The following TFEC variants were observed in gnomAD, a reference collection of about 807,000 sequenced individuals.
TFEC encodes the protein transcription factor EC.
TFEC carries 31 observed loss-of-function variants against 41.6 expected under a neutral mutation model. The observed-to-expected ratio is 0.74, with a 90% CI of 0.56 to 1.01. TFEC has a LOEUF of 1.01. Ranked by LOEUF, TFEC falls within the 50% of genes least tolerant of loss-of-function variation. The pLI, the probability that TFEC is intolerant of heterozygous loss-of-function variation, is 0.00. For missense variants in TFEC, 402 were observed against 404.1 expected, an observed-to-expected ratio of 0.99 and a Z score of 0.04; for synonymous variants, 143 against 140.6, an observed-to-expected ratio of 1.02 and a Z score of -0.12.
In TFEC at chr7:116,158,615, A is replaced by T. The variant is rs140494947; in HGVS notation, c.-69+1175T>A. Among the ~76,000 whole-genome samples the T allele has an allele frequency of 9.2e-5, 14 of 152,268 alleles. No homozygotes were observed. In the East Asian group the frequency reaches 2.7e-3, roughly 29 times the overall value. ...ATGAAAATCAATGATATCCAAAGGAAAAAATTTGATGTTCTGAAGTACAAA... is the reference window on the plus strand; with the variant it reads ...ATGAAAATCAATGATATCCAAAGGATAAAATTTGATGTTCTGAAGTACAAA... On this transcript the variant is annotated intron_variant, in intron 1 of 8. Transcript: ENST00000484212.
At position 115,965,194 on chromosome 7, in the gene TFEC, T is replaced by A. The variant is rs576469333; in HGVS notation, c.268-8401A>T. Among the ~76,000 whole-genome samples the A allele has an allele frequency of 7.9e-5, 12 of 151,782 alleles. 1 individual carries two copies. The South Asian group carries it at 1.0e-3, about 13-fold the overall frequency. The stretch of plus-strand genomic sequence containing the variant: ...TTTTTTGGATAAGATCAGTAAATAG[T>A]TTGACATAATATTTCTTACCTACAA... On this transcript the variant is annotated intron_variant, in intron 3 of 7. Transcript: ENST00000265440.
intron 1 of TFEC, among the ~76,000 whole-genome samples, chr7:116,113,174 A>G (rs921902585): frequency 3.9e-5 from 6 of 152,000 alleles, no homozygotes; most frequent in African/African-American, 1.4e-4. Flanking sequence ...CACTGCCACA[A>G]TAAGTACTAA....
intron 1 of TFEC, among the ~76,000 whole-genome samples, chr7:115,995,236 C>T (rs1008275640): frequency 2.0e-5 from 3 of 150,936 alleles, no homozygotes; most frequent in African/African-American, 7.3e-5. Flanking sequence ...AGGAGATATA[C>T]CTAATGTAAA....
chr7:115,946,858 A>T (rs1198729281), intron 6 of TFEC, among the ~76,000 whole-genome samples: 1 of 151,184 alleles, frequency 6.6e-6, no homozygotes, highest in Non-Finnish European at 1.5e-5. Flanking sequence ...TTTATCAAAC[A>T]TGATCATTTC....
intron 1 of TFEC, among the ~76,000 whole-genome samples, chr7:116,019,684 T>C (rs190579117): frequency 6.6e-6 from 1 of 152,290 alleles, no homozygotes; most frequent in Non-Finnish European, 1.5e-5. Flanking sequence ...ACAAGTGGAA[T>C]AGAATCCAAA....
At chr7:116,061,870 A>C (rs1796565093) in intron 3 of TFEC, among the ~76,000 whole-genome samples, 1 of 152,158 alleles carries the variant, frequency 6.6e-6, no homozygotes, top group African/African-American at 2.4e-5. Flanking sequence ...TGCAATTTAA[A>C]ACTACTATGA....
At chr7:116,097,101 G>A (rs200200703) in intron 3 of TFEC, among the ~76,000 whole-genome samples, 14 of 107,470 alleles carry the variant, frequency 1.3e-4, no homozygotes, top group African/African-American at 1.2e-4. Context: ...AAAAAAAAAA[G>A]AAAGAAAGAA....
chr7:116,103,191 G>A (rs1797642075), intron 3 of TFEC, among the ~76,000 whole-genome samples: 1 of 152,172 alleles, frequency 6.6e-6, no homozygotes, highest in Non-Finnish European at 1.5e-5. Flanking sequence ...GGAACACTTG[G>A]AGCCCCAGGG....
intron 6 of TFEC, among the ~76,000 whole-genome samples, chr7:115,946,837 A>C (rs1791603052): frequency 6.6e-6 from 1 of 151,234 alleles, no homozygotes; most frequent in African/African-American, 2.4e-5. Flanking sequence ...TGCCTGGCCC[A>C]CAAGTATCAC....
intron 1 of TFEC, among the ~76,000 whole-genome samples, chr7:116,155,013 G>C (rs1798839183): frequency 6.6e-6 from 1 of 152,178 alleles, no homozygotes; most frequent in Non-Finnish European, 1.5e-5. Context: ...TGCACCCCCG[G>C]AAGTCACAAA....
In TFEC at chr7:116,007,747, A is replaced by T. The variant is rs111290954; in HGVS notation, c.-73+22886T>A. On this transcript the variant is annotated intron_variant, in intron 1 of 7. Transcript: ENST00000265440. ...TGTGAAGGATGCCATCAACCCCATG[A>T]TTCTCTATTGTATAAGACTGTCTAC... Among the ~76,000 whole-genome samples the T allele has an allele frequency of 4.3e-3, 649 of 152,316 alleles. 3 individuals carry two copies. Among genetic ancestry groups the T allele is most frequent in the Non-Finnish European group, 6.1e-3 (416 of 68,034 alleles).
At chr7:116,005,772 G>C (rs1045004564) in intron 1 of TFEC, among the ~76,000 whole-genome samples, 13 of 152,192 alleles carry the variant, frequency 8.5e-5, no homozygotes, top group Admixed American at 2.6e-4. Flanking sequence ...GGGCATGACA[G>C]AGACCTTGGA....
At chr7:116,025,311 A>C (rs1795546313) in intron 1 of TFEC, among the ~76,000 whole-genome samples, 1 of 152,144 alleles carries the variant, frequency 6.6e-6, no homozygotes, top group Admixed American at 6.5e-5. Flanking sequence ...GCCCATTGTT[A>C]TGTTCTGTAC....
rs545072164 is a variant in TFEC at position 115,954,574 on chromosome 7, A to C, written c.439+12T>G. 7 of 1,607,410 alleles carry C rather than the reference A, an allele frequency of 4.4e-6. No homozygotes were observed. The highest frequency in any genetic ancestry group is 5.1e-6 in the Non-Finnish European group (6 of 1,175,876). Reference sequence around the variant, plus strand: ...TTTTGCATTAATTTTATATGGAAAAATATATACTCACTGAGGTTGTGGTTG... The same window carrying C: ...TTTTGCATTAATTTTATATGGAAAACTATATACTCACTGAGGTTGTGGTTG... On this transcript the variant is annotated intron_variant, in intron 5 of 7. Transcript: ENST00000265440.
At chr7:116,072,144 G>A (rs1796844322) in intron 3 of TFEC, among the ~76,000 whole-genome samples, 1 of 151,408 alleles carries the variant, frequency 6.6e-6, no homozygotes, top group Admixed American at 6.6e-5. Context: ...ATTTTACACA[G>A]AAAGCTATGT....
chr7:116,067,723 A>T (rs913451135), intron 3 of TFEC, among the ~76,000 whole-genome samples: 1 of 152,036 alleles, frequency 6.6e-6, no homozygotes, highest in African/African-American at 2.4e-5. Context: ...ACTCAATTTT[A>T]CTTAATTCAT....
At chr7:116,159,103 T>C (rs1289473541) in intron 1 of TFEC, among the ~76,000 whole-genome samples, 1 of 151,828 alleles carries the variant, frequency 6.6e-6, no homozygotes, top group Admixed American at 6.6e-5. Context: ...AAATAACTCA[T>C]TTACTTAAAG....
At chr7:116,026,169 A>AT (rs1795577359) in intron 1 of TFEC, among the ~76,000 whole-genome samples, 2 of 152,322 alleles carry the variant, frequency 1.3e-5, no homozygotes, top group South Asian at 4.1e-4. Context: ...ACTTCATGTT[A>AT]TTTCACACAA....
chr7:115,974,600 T>C (rs1228117556), intron 2 of TFEC, among the ~76,000 whole-genome samples: 2 of 150,718 alleles, frequency 1.3e-5, no homozygotes, highest in African/African-American at 2.4e-5. Context: ...TCTACATAAA[T>C]AGAGTGGTTA....
Sources: gnomAD v4.1 joint callset for allele counts (sites outside exome capture counted in the v4.1 genomes callset) on GRCh38, gnomAD v4.1.1 for gene constraint, MANE v1.5 for transcripts, NCBI Gene and HGNC (gene_info 2026-07-23, HGNC 2026-07-21) for gene names.